The following NKIRAS1 variants were observed in gnomAD, a reference collection of about 807,000 sequenced individuals.
NKIRAS1 encodes the protein NF-kappa-B inhibitor-interacting Ras-like protein 1.
NKIRAS1 carries 16 observed loss-of-function variants against 19.8 expected under a neutral mutation model. The observed-to-expected ratio is 0.81, with a 90% confidence interval of 0.55 to 1.23. The LOEUF (loss-of-function observed/expected upper bound fraction) is 1.23, where lower values mean the gene tolerates loss of function less well. Ranked by LOEUF, NKIRAS1 falls within the 50% of genes most tolerant of loss-of-function variation. The pLI is 0.00. For missense variants in NKIRAS1, 184 were observed against 220.0 expected (o/e 0.84, Z 1.04); for synonymous variants, 88 against 79.0 (o/e 1.11, Z -0.61).
chr3:23,942,752 C>CT (rs891680628), intron 1 of NKIRAS1, among the ~76,000 whole-genome samples: 10 of 149,948 alleles, frequency 6.7e-5, no homozygotes, highest in South Asian at 2.1e-4. Context: ...GGATACACTT[C>CT]TTTTTTTTTT....
chr3:23,900,044 C>A (rs148979998), intron 4 of NKIRAS1, among the ~76,000 whole-genome samples: 1 of 152,266 alleles, frequency 6.6e-6, no homozygotes, highest in Non-Finnish European at 1.5e-5. Flanking sequence ...CGCCTGTAGT[C>A]CCAGCTACTC....
At chr3:23,936,549 CT>C (rs1426286361) in intron 1 of NKIRAS1, among the ~76,000 whole-genome samples, 9 of 149,106 alleles carry the variant, frequency 6.0e-5, no homozygotes, top group Non-Finnish European at 7.4e-5. Flanking sequence ...ACTGCTTTTT[CT>C]TTTTTTTTTC....
intron 1 of NKIRAS1, among the ~76,000 whole-genome samples, chr3:23,940,683 T>C (rs998232828): frequency 1.3e-5 from 2 of 151,706 alleles, no homozygotes. Flanking sequence ...TTTTATTATT[T>C]CGTTATAACA....
chr3:23,896,558 G>C (rs1702016814), intron 4 of NKIRAS1, among the ~76,000 whole-genome samples: 1 of 151,454 alleles, frequency 6.6e-6, no homozygotes. Context: ...GGTTGCTGTG[G>C]GCTGAGATCA....
At chr3:23,939,534 G>C (rs1026074018) in intron 1 of NKIRAS1, among the ~76,000 whole-genome samples, 1 of 152,136 alleles carries the variant, frequency 6.6e-6, no homozygotes, top group African/African-American at 2.4e-5. Context: ...ATGAGGCCAG[G>C]AGTTCGAGAA....
intron 1 of NKIRAS1, among the ~76,000 whole-genome samples, chr3:23,937,293 C>T (rs6788335): frequency 6.6e-6 from 1 of 151,138 alleles, no homozygotes. Context: ...ATCGCCTGAA[C>T]CTGGGAGGAG....
At chr3:23,944,291 A>G (rs1705568619) in intron 1 of NKIRAS1, among the ~76,000 whole-genome samples, 1 of 152,190 alleles carries the variant, frequency 6.6e-6, no homozygotes, top group Non-Finnish European at 1.5e-5. Context: ...ACATGTAAAT[A>G]TGTCTTCCAC....
intron 4 of NKIRAS1, among the ~76,000 whole-genome samples, chr3:23,899,564 G>C (rs905922804): frequency 2.0e-5 from 3 of 152,146 alleles, no homozygotes; most frequent in African/African-American, 7.2e-5. Context: ...TCTGGAGAAA[G>C]ATTTGAGATA....
intron 2 of NKIRAS1, 141 bp from the exon 3 acceptor site, chr3:23,911,062 T>C (rs1249509761): frequency 9.2e-6 from 6 of 651,138 alleles, no homozygotes; most frequent in African/African-American, 3.6e-5. Flanking sequence ...GAATAAGGTA[T>C]AGCCTTCCAA....
At chr3:23,914,077 T>C (rs1704043669) in intron 1 of NKIRAS1, among the ~76,000 whole-genome samples, 1 of 152,154 alleles carries the variant, frequency 6.6e-6, no homozygotes, top group Non-Finnish European at 1.5e-5. Flanking sequence ...TAGGCAAGAT[T>C]CAGGGCAGTC....
At chr3:23,945,553 G>GC in intron 1 of NKIRAS1, 1 of 1,154,128 alleles carries the variant, frequency 8.7e-7, no homozygotes, top group Non-Finnish European at 1.1e-6. Flanking sequence ...GAAGCGGGCG[G>GC]CCCCGGCCGC....
chr3:23,909,956 T>G (rs556380369), intron 3 of NKIRAS1, among the ~76,000 whole-genome samples: 31 of 151,096 alleles, frequency 2.1e-4, no homozygotes, highest in Non-Finnish European at 3.7e-4. Context: ...CCTGTCACAT[T>G]CAAGCGATTC....
intron 1 of NKIRAS1, among the ~76,000 whole-genome samples, chr3:23,913,652 T>G (rs1356924219): frequency 6.6e-6 from 1 of 152,196 alleles, no homozygotes; most frequent in Non-Finnish European, 1.5e-5. Flanking sequence ...GATTTACAAA[T>G]AAAAACTACT....
Position 23,926,852 on chromosome 3 carries a change from A to G in NKIRAS1, c.-139-15402T>C, listed in dbSNP as rs1005603646. Among the ~76,000 whole-genome samples, 29 of 152,230 alleles carry G rather than the reference A, an allele frequency of 1.9e-4. No homozygotes were observed. The highest frequency in any genetic ancestry group is 6.0e-4 in the African/African-American group (25 of 41,466). ...TGGACCTTTGAAATCAGTTTTATAA[A>G]TATTCATCATTCAGAGAAGAAACAA... On this transcript the variant is annotated intron_variant, in intron 1 of 4. Transcript: ENST00000421515. This position sits in a 1 kb window ranked among gnomAD's most constrained non-coding sequence, Gnocchi z 4.3.
chr3:23,933,817 C>G (rs1705353619), intron 1 of NKIRAS1, among the ~76,000 whole-genome samples: 1 of 152,152 alleles, frequency 6.6e-6, no homozygotes, highest in Non-Finnish European at 1.5e-5. Context: ...ACTTTTGGAG[C>G]TGGAAAGTCC....
chr3:23,938,059 A>G (rs1705428885), intron 1 of NKIRAS1, among the ~76,000 whole-genome samples: 1 of 152,126 alleles, frequency 6.6e-6, no homozygotes, highest in Admixed American at 6.5e-5. Context: ...AATAGAGTGG[A>G]ACCATTATGT....
chr3:23,935,461 G>C (rs886997070), intron 1 of NKIRAS1, among the ~76,000 whole-genome samples: 3 of 151,836 alleles, frequency 2.0e-5, no homozygotes, highest in Non-Finnish European at 2.9e-5. Context: ...TGTCTCCCAG[G>C]CTGGAGTGCA....
chr3:23,909,072 A>G (rs1012020522), intron 3 of NKIRAS1, among the ~76,000 whole-genome samples: 3 of 152,152 alleles, frequency 2.0e-5, no homozygotes, highest in African/African-American at 7.2e-5. Context: ...GTCCTCAGTA[A>G]GTTTTCACAG....
rs185934721 is a variant in NKIRAS1, at chr3:23,896,171, C to T, written c.337-2834G>A. Among the ~76,000 whole-genome samples, 7 of 151,278 alleles carry T rather than the reference C, an allele frequency of 4.6e-5. No homozygotes were observed. The East Asian group carries it at 7.8e-4, about 17-fold the overall frequency. The stretch of plus-strand genomic sequence containing the variant: ...AAAAAAAAAAACTTCCACATTCTTC[C>T]GCCACCACATCTAACAACCTACCAT... On this transcript the variant is annotated intron_variant, in intron 4 of 4. Transcript: ENST00000425478.
Sources: allele counts gnomAD v4.1 joint callset (sites outside exome capture counted in the v4.1 genomes callset), GRCh38; gene constraint gnomAD v4.1.1; non-coding constraint Gnocchi (gnomAD v3.1); transcripts MANE v1.5; gene names NCBI Gene and HGNC (gene_info 2026-07-23, HGNC 2026-07-21).